Variants in ESYT2 observed in about 807,000 individuals in gnomAD.
The protein encoded by ESYT2 is extended synaptotagmin 2.
A neutral mutation model predicts 107.2 loss-of-function variants in ESYT2; 54 were observed. The observed-to-expected ratio is 0.50, with a 90% CI of 0.40 to 0.63. ESYT2 has a LOEUF of 0.63. ESYT2 is among the 30% of genes least tolerant of loss of function. The probability of loss-of-function intolerance (pLI) is 0.00; values close to 1 mark genes in which losing one functional copy is unlikely to be tolerated. For synonymous variants in ESYT2, 491 were observed against 434.1 expected, an observed-to-expected ratio of 1.13 and a Z score of -1.63; for missense variants, 1,020 against 1,094.5, an observed-to-expected ratio of 0.93 and a Z score of 0.96.
chr7:158,822,361 C>A (rs1179623581), intron 1 of ESYT2, among the ~76,000 whole-genome samples: 1 of 152,266 alleles, frequency 6.6e-6, no homozygotes, highest in Non-Finnish European at 1.5e-5. Flanking sequence ...GAATAACTCA[C>A]GGAAAAACAG....
chr7:158,737,626 C>T (rs1837014691), intron 19 of ESYT2, among the ~76,000 whole-genome samples: 2 of 152,188 alleles, frequency 1.3e-5, no homozygotes, highest in Non-Finnish European at 2.9e-5. Flanking sequence ...CGCTTGCTGA[C>T]TGACCACAAA....
At position 158,749,658 on chromosome 7, in the gene ESYT2, C is replaced by T. The variant is rs1418741094; in HGVS notation, c.1548G>A (p.Gln516=). The T allele has an allele frequency of 1.9e-6, 3 of 1,614,070 alleles. No individual in the cohort carries two copies. The highest frequency in any genetic ancestry group is 2.2e-5 in the South Asian group (2 of 91,050). The change falls in exon 15 of 23, where the codon CAG becomes CAA. Residue 516 remains glutamine, a synonymous_variant. Coordinates refer to ENST00000275418, the MANE Select transcript of ESYT2 (RefSeq NM_001367773.1). The part of the protein sequence containing the change: ...VVQMSVGHKA[Q]ESKIRYKTNE... ...AGGGCGAGCACCTTACCTTGCTCTC[C>T]TGGGCCTTGTGCCCAACTGACATCT...
intron 1 of ESYT2, among the ~76,000 whole-genome samples, chr7:158,825,994 G>C (rs1051306844): frequency 6.6e-6 from 1 of 150,448 alleles, no homozygotes; most frequent in Admixed American, 6.6e-5. Context: ...AGACCAGCCT[G>C]GACAACGCGG....
rs1026843314 is a variant in ESYT2 at position 158,820,839 on chromosome 7, C to G, written c.330+8250G>C. 3.9e-5 allele frequency among the ~76,000 whole-genome samples: 6 copies of G among 152,176 alleles called. 1 individual carries two copies. Among genetic ancestry groups the G allele is most frequent in the Non-Finnish European group, 8.8e-5 (6 of 68,028 alleles). ...AAAAACCCACCAATTCATACTATGA[C>G]TAATGCTAGGATTAAACAGATTTGC... On this transcript the variant is annotated intron_variant, in intron 1 of 22. Coordinates refer to ENST00000275418, the MANE Select transcript of ESYT2 (RefSeq NM_001367773.1).
intron 1 of ESYT2, among the ~76,000 whole-genome samples, chr7:158,825,685 A>G (rs1464680297): frequency 6.6e-6 from 1 of 152,238 alleles, no homozygotes; most frequent in Non-Finnish European, 1.5e-5. Context: ...CAGTGAATAT[A>G]TACAAAGGTG....
At chr7:158,782,612 CAA>C (rs1229629074) in intron 6 of ESYT2, among the ~76,000 whole-genome samples, 8 of 150,294 alleles carry the variant, frequency 5.3e-5, no homozygotes, top group African/African-American at 9.8e-5. Context: ...GAGCGTGTGA[CAA>C]ATGAGAACAT....
chr7:158,762,851 A>G (rs760933227), intron 10 of ESYT2, among the ~76,000 whole-genome samples: 14 of 152,256 alleles, frequency 9.2e-5, no homozygotes, highest in Non-Finnish European at 2.1e-4. Flanking sequence ...ACTTAAGGCT[A>G]GTGCCTGCTG....
intron 1 of ESYT2, among the ~76,000 whole-genome samples, chr7:158,813,661 G>A (rs1012986919): frequency 2.5e-4 from 38 of 152,252 alleles, no homozygotes; most frequent in African/African-American, 8.7e-4. Flanking sequence ...AAGTTTTTCA[G>A]GCAGGAGGAA....
intron 1 of ESYT2, among the ~76,000 whole-genome samples, chr7:158,815,358 G>A (rs1370278227): frequency 6.6e-6 from 1 of 152,072 alleles, no homozygotes; most frequent in African/African-American, 2.4e-5. Flanking sequence ...TCAAACTACT[G>A]CTCCTATTGT....
At chr7:158,753,157 G>A (rs937367417) in intron 13 of ESYT2, among the ~76,000 whole-genome samples, 2 of 152,154 alleles carry the variant, frequency 1.3e-5, no homozygotes, top group Non-Finnish European at 2.9e-5. Flanking sequence ...TTAGGAAAGG[G>A]TTCTATTTAC....
intron 1 of ESYT2, among the ~76,000 whole-genome samples, chr7:158,806,112 C>CGCACAATGCGTAGGAGGCGCT (rs1563032962): frequency 2.0e-4 from 8 of 39,616 alleles, no homozygotes; most frequent in African/African-American, 4.9e-4. Context: ...TGGGAGGCGC[C>CGCACAATGCGTAGGAGGCGCT]GGGGCACACC....
chr7:158,754,463 A>T (rs1427520097), intron 13 of ESYT2, among the ~76,000 whole-genome samples: 1 of 151,936 alleles, frequency 6.6e-6, no homozygotes, highest in African/African-American at 2.4e-5. Context: ...CACCCACCTC[A>T]GCCTCCCAAA....
chr7:158,754,183 G>T (rs1346663461), intron 13 of ESYT2, among the ~76,000 whole-genome samples: 1 of 151,856 alleles, frequency 6.6e-6, no homozygotes, highest in Non-Finnish European at 1.5e-5. Flanking sequence ...GGAGCCACCT[G>T]TGTTTTTTGT....
At chr7:158,762,274 T>C (rs1044974937) in intron 10 of ESYT2, among the ~76,000 whole-genome samples, 1 of 152,140 alleles carries the variant, frequency 6.6e-6, no homozygotes, top group Admixed American at 6.6e-5. Flanking sequence ...CACTCTCCTA[T>C]TTGGTCTGCC....
chr7:158,802,648 T>C (rs1839679636), intron 1 of ESYT2, among the ~76,000 whole-genome samples: 2 of 152,198 alleles, frequency 1.3e-5, no homozygotes, highest in African/African-American at 4.8e-5. Context: ...GAGGAGTTAT[T>C]TTAAAATTCC....
At chr7:158,781,300 T>TGA (rs71200055) in intron 6 of ESYT2, among the ~76,000 whole-genome samples, 20 of 148,624 alleles carry the variant, frequency 1.3e-4, no homozygotes, top group African/African-American at 3.5e-4. Flanking sequence ...GTGTGCGGTG[T>TGA]GTGAGAACAA....
At chr7:158,795,651 A>T (rs1839435986) in intron 3 of ESYT2, among the ~76,000 whole-genome samples, 1 of 152,198 alleles carries the variant, frequency 6.6e-6, no homozygotes, top group African/African-American at 2.4e-5. Context: ...CCTGCTTTAC[A>T]GCATTTAACT....
At chr7:158,813,601 A>C (rs1417969525) in intron 1 of ESYT2, among the ~76,000 whole-genome samples, 1 of 152,260 alleles carries the variant, frequency 6.6e-6, no homozygotes, top group Non-Finnish European at 1.5e-5. Context: ...CCAGACAAAA[A>C]TTGAGAAAAT....
At chr7:158,772,064 G>A (rs1838392804) in intron 7 of ESYT2, among the ~76,000 whole-genome samples, 2 of 151,866 alleles carry the variant, frequency 1.3e-5, no homozygotes, top group Admixed American at 1.3e-4. Flanking sequence ...GGTGCTTGCA[G>A]TGAGCTGAGA....
Sources: allele counts gnomAD v4.1 joint callset (sites outside exome capture counted in the v4.1 genomes callset), GRCh38; gene constraint gnomAD v4.1.1; transcripts MANE v1.5; gene names NCBI Gene and HGNC (gene_info 2026-07-23, HGNC 2026-07-21).